The following PRKCB variants were observed in gnomAD, a reference collection of about 807,000 sequenced individuals.
The protein encoded by PRKCB is protein kinase C beta type.
A neutral mutation model predicts 81.5 loss-of-function variants in PRKCB; 13 were observed. The ratio of observed to expected loss-of-function variants is 0.16; its 90% CI spans 0.10 to 0.25. PRKCB has a LOEUF of 0.25. Among genes scored for constraint, PRKCB ranks in the 10% least tolerant of loss-of-function variants. The pLI is 1.00. For synonymous variants in PRKCB, 335 were observed against 321.4 expected (o/e 1.04, Z -0.45); for missense variants, 509 against 875.7 (o/e 0.58, Z 5.29).
intron 2 of PRKCB, among the ~76,000 whole-genome samples, chr16:23,903,258 A>AGT (rs3073125): frequency 0.013 from 1,864 of 147,400 alleles, 31 homozygotes; most frequent in African/African-American, 0.032. Context: ...AGGGAACTTA[A>AGT]GTGTGTGTGT....
Position 24,215,876 on chromosome 16 carries a change from A to G in PRKCB, c.*1060A>G. The G allele has an allele frequency of 1.0e-6, 1 of 985,508 alleles. No homozygotes were observed. The highest frequency in any genetic ancestry group is 1.7e-5 in the African/African-American group (1 of 57,320). 61.0% of individuals were successfully genotyped at this position (985,508 alleles called of 1,614,324 possible). A position where few individuals can be genotyped will look rare whatever the true frequency, so the allele number is the denominator to read the frequency against. On this transcript the variant is annotated 3_prime_UTR_variant, in exon 17 of 17. Transcript: ENST00000643927. ...AAAAAGACACCGTTTCTTGAAACAAAGATGGTTGTATTCCTCACTTTGATG... is the reference window on the plus strand; with the variant it reads ...AAAAAGACACCGTTTCTTGAAACAAGGATGGTTGTATTCCTCACTTTGATG...
intron 2 of PRKCB, among the ~76,000 whole-genome samples, chr16:23,913,706 C>T (rs536753050): frequency 1.3e-5 from 2 of 152,324 alleles, no homozygotes; most frequent in Non-Finnish European, 1.5e-5. Context: ...GAAGGAAGCT[C>T]TTCTGACTTT....
chr16:23,925,566 G>A (rs1466528504), intron 2 of PRKCB, among the ~76,000 whole-genome samples: 9 of 152,092 alleles, frequency 5.9e-5, no homozygotes. Flanking sequence ...CCGAAACCCA[G>A]CATCCCTGTC....
At chr16:24,194,391 T>A (rs1444467956) in intron 16 of PRKCB, among the ~76,000 whole-genome samples, 6 of 152,114 alleles carry the variant, frequency 3.9e-5, no homozygotes, top group African/African-American at 1.2e-4. Context: ...TTCTTTTATA[T>A]ATCAGAACAA....
At chr16:24,064,141 A>G (rs1966005549) in intron 5 of PRKCB, among the ~76,000 whole-genome samples, 1 of 152,056 alleles carries the variant, frequency 6.6e-6, no homozygotes. Flanking sequence ...AGGAGGAGAA[A>G]GATAGAATGG....
At chr16:24,151,847 G>A (rs773253877) in intron 9 of PRKCB, 3 of 455,760 alleles carry the variant, frequency 6.6e-6, no homozygotes, top group South Asian at 3.1e-5. Context: ...GTTTATCTAC[G>A]AAATGGGGGT....
At chr16:24,053,774 C>T (rs943412831) in intron 5 of PRKCB, among the ~76,000 whole-genome samples, 7 of 151,974 alleles carry the variant, frequency 4.6e-5, no homozygotes, top group Admixed American at 1.3e-4. Context: ...TGAGCATGTT[C>T]GGTGTGCTTG....
At chr16:23,973,923 G>A (rs1207370693) in intron 2 of PRKCB, among the ~76,000 whole-genome samples, 2 of 152,040 alleles carry the variant, frequency 1.3e-5, no homozygotes, top group Non-Finnish European at 2.9e-5. Context: ...CACCTTTCTT[G>A]GCCTCCCAAA....
At chr16:23,984,780 G>A (rs977361887) in intron 2 of PRKCB, among the ~76,000 whole-genome samples, 1 of 152,112 alleles carries the variant, frequency 6.6e-6, no homozygotes, top group Non-Finnish European at 1.5e-5. Context: ...TTGAGTAGAG[G>A]TGAAAAACTT....
At chr16:23,850,842 T>C (rs556775724) in intron 2 of PRKCB, among the ~76,000 whole-genome samples, 7 of 152,340 alleles carry the variant, frequency 4.6e-5, no homozygotes, top group Non-Finnish European at 8.8e-5. Context: ...TATCTCACTG[T>C]GGTTTTAATT....
chr16:24,081,152 A>G (rs1024669913), intron 5 of PRKCB, among the ~76,000 whole-genome samples: 10 of 152,156 alleles, frequency 6.6e-5, no homozygotes, highest in Non-Finnish European at 1.3e-4. Flanking sequence ...TTGTAAACAT[A>G]AATATAAAAA....
In PRKCB at chr16:23,836,118, C is replaced by A; in HGVS notation, c.-58C>A. On this transcript the variant is annotated 5_prime_UTR_variant, in exon 1 of 17. Transcript: ENST00000643927. ...CTCCCGCGCCTCCCCGGCCCGCAGC[C>A]CGCGGTCCCGCGGCCCCGGGGCCGG... 8 of 1,164,254 alleles carry A rather than the reference C, an allele frequency of 6.9e-6. No individual in the cohort carries two copies. Among genetic ancestry groups the A allele is most frequent in the Non-Finnish European group, 8.5e-6 (8 of 936,986 alleles). 72.1% of individuals were successfully genotyped at this position (1,164,254 alleles called of 1,614,324 possible). A position where few individuals can be genotyped will look rare whatever the true frequency, so the allele number is the denominator to read the frequency against.
At chr16:24,017,748 G>C (rs137908980) in intron 3 of PRKCB, among the ~76,000 whole-genome samples, 11 of 152,218 alleles carry the variant, frequency 7.2e-5, no homozygotes, top group Non-Finnish European at 1.5e-4. Context: ...GTTTGTTTTG[G>C]AAGCAGGATC....
chr16:24,091,919 G>A (rs1966381766), intron 5 of PRKCB, among the ~76,000 whole-genome samples: 2 of 152,206 alleles, frequency 1.3e-5, no homozygotes, highest in Non-Finnish European at 2.9e-5. Context: ...CTGTCTGGGT[G>A]CTGGTTATGG....
intron 3 of PRKCB, among the ~76,000 whole-genome samples, chr16:24,021,233 T>C (rs1596515705): frequency 5.2e-5 from 1 of 19,182 alleles, no homozygotes; most frequent in Non-Finnish European, 9.3e-5. Context: ...TTTCTTTCTT[T>C]CCTTCCTTCC....
chr16:23,961,684 G>A (rs569185731), intron 2 of PRKCB, among the ~76,000 whole-genome samples: 1 of 152,102 alleles, frequency 6.6e-6, no homozygotes, highest in Non-Finnish European at 1.5e-5. Context: ...GGGACCAGAA[G>A]CATTTCTGAG....
intron 8 of PRKCB, among the ~76,000 whole-genome samples, chr16:24,113,285 T>A (rs1409402074): frequency 6.8e-6 from 1 of 147,464 alleles, no homozygotes; most frequent in Non-Finnish European, 1.5e-5. Context: ...TCTTGCTTTC[T>A]CTTGCTTGCT....
intron 10 of PRKCB, among the ~76,000 whole-genome samples, chr16:24,161,277 T>A (rs189498424): frequency 4.6e-5 from 7 of 152,320 alleles, no homozygotes; most frequent in Admixed American, 4.6e-4. Context: ...TATATTGGAA[T>A]AAAAATATCT....
rs1968232842 is a variant in PRKCB, at chr16:24,216,670, T to C, written c.*1854T>C. On this transcript the variant is annotated 3_prime_UTR_variant, in exon 17 of 17. Transcript: ENST00000643927. ...TCTCTGTCCTCTTCTTGCTTCAGGC[T>C]TGGGGACCGTCCCTGCTGTCCCCAC... 1.0e-5 allele frequency: 10 copies of C among 985,388 alleles called. No individual in the cohort carries two copies. Among genetic ancestry groups the C allele is most frequent in the Non-Finnish European group, 1.1e-5 (9 of 829,984 alleles). 61.0% of individuals were successfully genotyped at this position (985,388 alleles called of 1,614,324 possible).
Sources: gnomAD v4.1 joint callset for allele counts (sites outside exome capture counted in the v4.1 genomes callset) on GRCh38, gnomAD v4.1.1 for gene constraint, MANE v1.5 for transcripts, NCBI Gene and HGNC (gene_info 2026-07-23, HGNC 2026-07-21) for gene names.